AGPAT5: variants seen among roughly 807,000 people sequenced by gnomAD.
The protein encoded by AGPAT5 is 1-acylglycerol-3-phosphate O-acyltransferase 5.
Under a neutral mutation model 45.6 loss-of-function variants are expected in AGPAT5, and 46 were observed. That is an observed-to-expected ratio of 1.01 (90% CI 0.80 to 1.29). The LOEUF (loss-of-function observed/expected upper bound fraction) is 1.29, where lower values mean the gene tolerates loss of function less well. AGPAT5 is among the 50% of genes most tolerant of loss of function. The probability of loss-of-function intolerance (pLI) is 0.00; values close to 1 mark genes in which losing one functional copy is unlikely to be tolerated. For missense variants in AGPAT5, 673 were observed against 450.7 expected, an observed-to-expected ratio of 1.49 and a Z score of -4.47; for synonymous variants, 272 against 167.0, an observed-to-expected ratio of 1.63 and a Z score of -4.85.
intron 6 of AGPAT5, among the ~76,000 whole-genome samples, chr8:6,751,492 A>C (rs79086330): frequency 3.3e-5 from 5 of 152,202 alleles, no homozygotes; most frequent in Non-Finnish European, 2.9e-5. Context: ...CAGTGCTAAC[A>C]AATGCTACAG....
chr8:6,712,141 T>G (rs1800176067), intron 1 of AGPAT5, among the ~76,000 whole-genome samples: 1 of 152,230 alleles, frequency 6.6e-6, no homozygotes, highest in Non-Finnish European at 1.5e-5. Flanking sequence ...TTAAAGCATT[T>G]TGGTCTCTGC....
At chr8:6,746,216 C>G (rs1223025330) in intron 5 of AGPAT5, 1 of 152,446 alleles carries the variant, frequency 6.6e-6, no homozygotes, top group African/African-American at 2.4e-5. Flanking sequence ...CTGCCTCCTG[C>G]TCTTCCACTT....
At chr8:6,729,711 C>G (rs1035060206) in intron 2 of AGPAT5, among the ~76,000 whole-genome samples, 5 of 152,224 alleles carry the variant, frequency 3.3e-5, no homozygotes, top group African/African-American at 1.2e-4. Flanking sequence ...AAGGGCCACT[C>G]TCTGTGTTGG....
At chr8:6,748,877 C>G (rs1801564081) in intron 6 of AGPAT5, among the ~76,000 whole-genome samples, 1 of 152,092 alleles carries the variant, frequency 6.6e-6, no homozygotes, top group Admixed American at 6.6e-5. Context: ...ATATGAGCCT[C>G]CAGCACGTTT....
intron 4 of AGPAT5, among the ~76,000 whole-genome samples, chr8:6,732,982 T>A (rs866385561): frequency 1.3e-5 from 2 of 152,240 alleles, no homozygotes; most frequent in African/African-American, 4.8e-5. Context: ...TTACTTCTTG[T>A]CTTCTTTAGT....
rs1389146487 is a variant in AGPAT5, at chr8:6,760,120, T to C, written c.*2732T>C. Among the ~76,000 whole-genome samples the C allele has an allele frequency of 6.6e-6, 1 of 152,220 alleles. No individual in the cohort carries two copies. The highest frequency in any genetic ancestry group is 2.4e-5 in the African/African-American group (1 of 41,440). On this transcript the variant is annotated 3_prime_UTR_variant, in exon 8 of 8. Coordinates refer to ENST00000285518, the MANE Select transcript of AGPAT5 (RefSeq NM_018361.5). ...TTCCTTTGTTCATAATTATATTCTT[T>C]GAATAGGTCTGTGTCAATCAAGTGA...
At chr8:6,716,215 T>A (rs190293564) in intron 1 of AGPAT5, among the ~76,000 whole-genome samples, 1 of 152,234 alleles carries the variant, frequency 6.6e-6, no homozygotes, top group African/African-American at 2.4e-5. Context: ...CTCTTGGAGA[T>A]GGCAATAATG....
At chr8:6,725,698 C>G (rs1272517816) in intron 2 of AGPAT5, among the ~76,000 whole-genome samples, 1 of 152,124 alleles carries the variant, frequency 6.6e-6, no homozygotes, top group Non-Finnish European at 1.5e-5. Flanking sequence ...TGTTTTCAAA[C>G]CTGTAGCTAC....
intron 2 of AGPAT5, among the ~76,000 whole-genome samples, chr8:6,727,888 C>T (rs909193882): frequency 3.3e-5 from 5 of 152,180 alleles, no homozygotes; most frequent in Non-Finnish European, 5.9e-5. Context: ...TCTCTCAGAG[C>T]CTTATTGGTA....
At chr8:6,718,685 G>T (rs568190029) in intron 1 of AGPAT5, among the ~76,000 whole-genome samples, 2 of 152,226 alleles carry the variant, frequency 1.3e-5, no homozygotes, top group African/African-American at 2.4e-5. Context: ...CTTACTGGAA[G>T]ATTGCCCTGT....
chr8:6,724,752 G>T, intron 1 of AGPAT5, 118 bp from the exon 2 acceptor site: 1 of 349,788 alleles, frequency 2.9e-6, no homozygotes, highest in South Asian at 1.0e-4. Flanking sequence ...TCTAATTTTT[G>T]TTAATCATGG....
chr8:6,739,141 T>A (rs879487071), intron 4 of AGPAT5, among the ~76,000 whole-genome samples: 1 of 151,880 alleles, frequency 6.6e-6, no homozygotes, highest in East Asian at 1.9e-4. Context: ...TTCTGTTATA[T>A]TGATCTATAT....
At chr8:6,715,534 A>T (rs1800294238) in intron 1 of AGPAT5, among the ~76,000 whole-genome samples, 1 of 152,220 alleles carries the variant, frequency 6.6e-6, no homozygotes, top group African/African-American at 2.4e-5. Flanking sequence ...TTTACAAAGT[A>T]GGCACCATTC....
chr8:6,750,608 T>C (rs1163575342), intron 6 of AGPAT5, among the ~76,000 whole-genome samples: 1 of 152,136 alleles, frequency 6.6e-6, no homozygotes, highest in African/African-American at 2.4e-5. Flanking sequence ...CACTTACAAA[T>C]TGATAAGAAG....
chr8:6,749,576 G>C (rs78886378), intron 6 of AGPAT5, among the ~76,000 whole-genome samples: 1 of 152,022 alleles, frequency 6.6e-6, no homozygotes, highest in Non-Finnish European at 1.5e-5. Context: ...TTTGTTGTGC[G>C]TTGTATGTGC....
chr8:6,759,928 A>C lies in AGPAT5; in HGVS notation c.*2540A>C, dbSNP rs1414614488. On this transcript the variant is annotated 3_prime_UTR_variant, in exon 8 of 8. Transcript: ENST00000285518. ...GTAATCATTAAGTGATCTCAGTGAA[A>C]CATGTCAAATGCCTTAAATTAACTA... 6.6e-6 allele frequency among the ~76,000 whole-genome samples: 1 copy of C among 152,214 alleles called. No homozygotes were observed. The highest frequency in any genetic ancestry group is 2.4e-5 in the African/African-American group (1 of 41,454).
chr8:6,743,430 G>A (rs1801306531), intron 5 of AGPAT5, among the ~76,000 whole-genome samples: 1 of 152,214 alleles, frequency 6.6e-6, no homozygotes, highest in East Asian at 1.9e-4. Context: ...ATTGAAGATA[G>A]AATTTATCCT....
At chr8:6,730,330 T>C (rs1800820503) in intron 2 of AGPAT5, among the ~76,000 whole-genome samples, 1 of 8,666 alleles carries the variant, frequency 1.2e-4, no homozygotes, top group Non-Finnish European at 1.7e-4. Context: ...TTTTTTTTTT[T>C]TTTTTTTTTT....
At chr8:6,744,556 G>C (rs645643) in intron 5 of AGPAT5, among the ~76,000 whole-genome samples, 19 of 152,114 alleles carry the variant, frequency 1.2e-4, no homozygotes, top group African/African-American at 4.6e-4. Context: ...CCTGTGCTTG[G>C]TTCGGGGTCC....
Sources: allele counts gnomAD v4.1 joint callset (sites outside exome capture counted in the v4.1 genomes callset), GRCh38; gene constraint gnomAD v4.1.1; transcripts MANE v1.5; gene names NCBI Gene and HGNC (gene_info 2026-07-23, HGNC 2026-07-21).